TSNARE1: variants seen among roughly 807,000 people sequenced by gnomAD.
TSNARE1 encodes t-SNARE domain containing 1, also known as t-SNARE domain-containing protein 1.
TSNARE1 carries 49 observed loss-of-function variants against 62.0 expected under a neutral mutation model. The ratio of observed to expected loss-of-function variants is 0.79; its 90% CI spans 0.63 to 1.00. The LOEUF is 1.00. Ranked by LOEUF, TSNARE1 falls within the 50% of genes least tolerant of loss-of-function variation. The pLI, the probability that TSNARE1 is intolerant of heterozygous loss-of-function variation, is 0.00. For synonymous variants in TSNARE1, 328 were observed against 294.4 expected (o/e 1.11, Z -1.17); for missense variants, 755 against 700.1 (o/e 1.08, Z -0.88).
At chr8:142,274,744 G>A (rs368037326) in intron 12 of TSNARE1, 37 bp downstream of exon 12, 775 of 1,463,472 alleles carry the variant, frequency 5.3e-4, no homozygotes, top group Middle Eastern at 9.1e-4. Context: ...GACGGAGGCC[G>A]GGCCGGCCGG....
intron 4 of TSNARE1, among the ~76,000 whole-genome samples, chr8:142,337,521 C>T (rs1356889345): frequency 2.0e-5 from 3 of 152,348 alleles, no homozygotes; most frequent in East Asian, 1.9e-4. Context: ...TCGGCGCAAC[C>T]GTGCTTTCTA....
intron 5 of TSNARE1, among the ~76,000 whole-genome samples, 189 bp from the exon 6 acceptor site, chr8:142,331,159 G>A (rs958430620): frequency 2.6e-5 from 4 of 152,216 alleles, no homozygotes; most frequent in African/African-American, 9.6e-5. Flanking sequence ...GGTCACGCCC[G>A]CCAGAACCCC....
intron 1 of TSNARE1, among the ~76,000 whole-genome samples, chr8:142,369,364 G>C (rs1835771549): frequency 6.6e-6 from 1 of 152,200 alleles, no homozygotes; most frequent in Admixed American, 6.5e-5. Flanking sequence ...AGCATAAGGG[G>C]CATGCCCATT....
At chr8:142,273,182 TCCTCCTCCTTCA>T (rs2130558478) in intron 12 of TSNARE1, 7 of 985,140 alleles carry the variant, frequency 7.1e-6, no homozygotes, top group African/African-American at 5.2e-5. Context: ...CCTCCTTTCC[TCCTCCTCCTTCA>T]CCTCCTCCTC....
At chr8:142,264,046 G>C (rs73366616) in intron 12 of TSNARE1, among the ~76,000 whole-genome samples, 22 of 151,942 alleles carry the variant, frequency 1.4e-4, no homozygotes, top group African/African-American at 4.8e-4. Flanking sequence ...GCTTTCTTTG[G>C]TAGTATAAGC....
At chr8:142,277,123 GGAGGCC>G in intron 11 of TSNARE1, 1 of 985,384 alleles carries the variant, frequency 1.0e-6, no homozygotes, top group South Asian at 4.7e-5. Flanking sequence ...GTCAGGTCTT[GGAGGCC>G]CCCAGTCTGT....
At chr8:142,364,029 A>G (rs1298881527) in intron 1 of TSNARE1, among the ~76,000 whole-genome samples, 2 of 152,238 alleles carry the variant, frequency 1.3e-5, no homozygotes, top group African/African-American at 4.8e-5. Flanking sequence ...AATTTTTAAA[A>G]GGAGAAAACA....
At chr8:142,340,235 G>A (rs982188026) in intron 4 of TSNARE1, among the ~76,000 whole-genome samples, 2 of 152,320 alleles carry the variant, frequency 1.3e-5, no homozygotes, top group Middle Eastern at 3.4e-3. Context: ...GCTTGCCGGG[G>A]CCTCCTGTGC....
In TSNARE1 at chr8:142,291,719, C is replaced by T. The variant is rs1177455670; in HGVS notation, c.1291-7234G>A. Among the ~76,000 whole-genome samples the T allele has an allele frequency of 5.3e-5, 8 of 152,090 alleles. No homozygotes were observed. The highest frequency in any genetic ancestry group is 9.7e-5 in the African/African-American group (4 of 41,414). ...CGAGAACCCAACAGTGTGTGGGGGG[C>T]GAGCGTGGGAGCGGCAGGGGTTAGA... is the stretch of plus-strand genomic sequence containing the variant. On this transcript the variant is annotated intron_variant, in intron 10 of 13. Transcript: ENST00000524325. The surrounding 1 kb of genome is among the most constrained non-coding windows in gnomAD (Gnocchi z 4.8).
Position 142,360,972 on chromosome 8 carries a change from G to A in TSNARE1, c.-39-6209C>T, listed in dbSNP as rs567931270. ...CACACAGGCAGAGGACACCCAGGCTGGGCCACCCTTCCCCCAGCAGATGGG... is the reference window on the plus strand; with the variant it reads ...CACACAGGCAGAGGACACCCAGGCTAGGCCACCCTTCCCCCAGCAGATGGG... On this transcript the variant is annotated intron_variant, in intron 1 of 13. Coordinates refer to ENST00000524325, the MANE Select transcript of TSNARE1 (RefSeq NM_145003.5). 5.9e-5 allele frequency among the ~76,000 whole-genome samples: 9 copies of A among 152,284 alleles called. 1 individual carries two copies. In the South Asian group the frequency reaches 1.4e-3, roughly 25 times the overall value.
chr8:142,282,599 T>C (rs1346533009), intron 11 of TSNARE1, among the ~76,000 whole-genome samples: 3 of 125,874 alleles, frequency 2.4e-5, no homozygotes, highest in African/African-American at 9.4e-5. Context: ...TGTCTATCAA[T>C]GAGCAGAGGG....
chr8:142,251,329 C>T (rs1333556115), intron 12 of TSNARE1, among the ~76,000 whole-genome samples: 1 of 130,698 alleles, frequency 7.7e-6, no homozygotes, highest in African/African-American at 2.8e-5. Flanking sequence ...AGAACCCCGC[C>T]CCCCTCCCCC....
chr8:142,365,803 A>C, intron 1 of TSNARE1: 1 of 330,384 alleles, frequency 3.0e-6, no homozygotes, highest in South Asian at 2.2e-5. Context: ...AACTCACTGG[A>C]AATTATTTTT....
intron 12 of TSNARE1, chr8:142,271,609 G>A (rs1402473381): frequency 2.1e-6 from 3 of 1,433,960 alleles, no homozygotes; most frequent in African/African-American, 1.5e-5. Flanking sequence ...GTAAGTCCAG[G>A]GGGTCAGGTT....
At chr8:142,246,291 G>A (rs1817882524) in intron 12 of TSNARE1, among the ~76,000 whole-genome samples, 2 of 152,060 alleles carry the variant, frequency 1.3e-5, no homozygotes, top group African/African-American at 2.4e-5. Context: ...GGGTCCTCTT[G>A]AGGGCTCCAC....
chr8:142,264,724 C>T (rs962332696), intron 12 of TSNARE1, among the ~76,000 whole-genome samples: 2 of 152,210 alleles, frequency 1.3e-5, no homozygotes. Context: ...TACTTAAGCT[C>T]TCTTTTGCAT....
chr8:142,323,093 C>T (rs934664073), intron 6 of TSNARE1, among the ~76,000 whole-genome samples: 11 of 150,864 alleles, frequency 7.3e-5, no homozygotes, highest in South Asian at 4.2e-4. Flanking sequence ...TGGCTGCATC[C>T]GTGGGCTGAT....
At position 142,382,922 on chromosome 8, in the gene TSNARE1, C is replaced by T. The variant is rs371746808; in HGVS notation, c.-40+20182G>A. Reference sequence around the variant, plus strand: ...CAGCAGGCAGCAGGCGGTGAGGGCCCGAAGTGCAGGCTCTTCACCACTGTG... The same window carrying T: ...CAGCAGGCAGCAGGCGGTGAGGGCCTGAAGTGCAGGCTCTTCACCACTGTG... On this transcript the variant is annotated intron_variant, in intron 1 of 13. Coordinates refer to ENST00000524325, the MANE Select transcript of TSNARE1 (RefSeq NM_145003.5). 7.9e-4 allele frequency among the ~76,000 whole-genome samples: 120 copies of T among 152,256 alleles called. No homozygotes were observed. The East Asian group carries it at 0.019, about 24-fold the overall frequency.
intron 11 of TSNARE1, among the ~76,000 whole-genome samples, chr8:142,283,267 G>C (rs1822006132): frequency 6.6e-6 from 1 of 151,176 alleles, no homozygotes; most frequent in Non-Finnish European, 1.5e-5. Flanking sequence ...GTCTGCCAAT[G>C]AGCAGAGGCG....
Sources: gnomAD v4.1 joint callset for allele counts (sites outside exome capture counted in the v4.1 genomes callset) on GRCh38, gnomAD v4.1.1 for gene constraint, Gnocchi (gnomAD v3.1) non-coding constraint, MANE v1.5 for transcripts, NCBI Gene and HGNC (gene_info 2026-07-23, HGNC 2026-07-21) for gene names.